The following SIK3 variants were observed in gnomAD, a reference collection of about 807,000 sequenced individuals.
The protein encoded by SIK3 is serine/threonine-protein kinase SIK3.
A neutral mutation model predicts 144.2 loss-of-function variants in SIK3; 28 were observed. The observed-to-expected ratio is 0.19, with a 90% CI of 0.14 to 0.27. The LOEUF (loss-of-function observed/expected upper bound fraction) is 0.27. SIK3 is among the 10% of genes least tolerant of loss of function. The pLI is 1.00. For missense variants in SIK3, 1,319 were observed against 1,776.0 expected (o/e 0.74, Z 4.62); for synonymous variants, 686 against 676.3 (o/e 1.01, Z -0.22).
chr11:117,065,246 T>C (rs1953959157), intron 1 of SIK3, among the ~76,000 whole-genome samples: 1 of 151,728 alleles, frequency 6.6e-6, no homozygotes, highest in Non-Finnish European at 1.5e-5. Context: ...CTTGGTTTCT[T>C]CCCTTGTTCT....
intron 8 of SIK3, 50 bp from the exon 9 acceptor site, chr11:116,876,059 T>C (rs1279401301): frequency 4.4e-6 from 7 of 1,607,438 alleles, no homozygotes; most frequent in African/African-American, 1.3e-5. Flanking sequence ...AAATGGCATG[T>C]TGATGACCAG....
At chr11:116,909,318 G>GAA (rs200905431) in intron 4 of SIK3, among the ~76,000 whole-genome samples, 4 of 135,776 alleles carry the variant, frequency 2.9e-5, no homozygotes, top group African/African-American at 8.0e-5. Flanking sequence ...ACTACTAAAA[G>GAA]AAAAAAAAAA....
intron 1 of SIK3, among the ~76,000 whole-genome samples, chr11:117,023,026 G>A (rs1951840613): frequency 1.3e-5 from 2 of 152,132 alleles, no homozygotes; most frequent in South Asian, 2.1e-4. Flanking sequence ...TGATAGAAAT[G>A]CCAGGTTTAA....
In SIK3 at chr11:117,027,955, G is replaced by A. The variant is rs1168431207; in HGVS notation, c.273+70188C>T. Among the ~76,000 whole-genome samples, 10 of 152,266 alleles carry A rather than the reference G, an allele frequency of 6.6e-5. No individual in the cohort carries two copies. In the East Asian group the frequency reaches 1.5e-3, roughly 23 times the overall value. ...TTTTAAGTAATTCTCCTCTCACTTC[G>A]TTCAAGACAATGCATTATGCATGTG... On this transcript the variant is annotated intron_variant, in intron 1 of 24. Coordinates refer to ENST00000445177, the MANE Select transcript of SIK3 (RefSeq NM_001366686.3).
chr11:117,028,306 T>A (rs1384388618), intron 1 of SIK3, among the ~76,000 whole-genome samples: 1 of 152,148 alleles, frequency 6.6e-6, no homozygotes, highest in Non-Finnish European at 1.5e-5. Context: ...CTTCATCTAC[T>A]CAAGAAATAT....
At chr11:116,912,065 A>G (rs1302689694) in intron 4 of SIK3, among the ~76,000 whole-genome samples, 1 of 152,310 alleles carries the variant, frequency 6.6e-6, no homozygotes, top group Middle Eastern at 3.4e-3. Context: ...GTGGCTCTCA[A>G]TATAATTTGT....
intron 4 of SIK3, among the ~76,000 whole-genome samples, chr11:116,924,002 C>T (rs1947140888): frequency 6.6e-6 from 1 of 152,182 alleles, no homozygotes; most frequent in African/African-American, 2.4e-5. Flanking sequence ...TCCTTAACAG[C>T]CGGGCGTGGT....
In SIK3 at chr11:116,867,300, C is replaced by T. The variant is rs757996196; in HGVS notation, c.1952+646G>A. On this transcript the variant is annotated intron_variant, in intron 15 of 24. Transcript: ENST00000445177. The surrounding 1 kb of genome is among the most constrained non-coding windows in gnomAD (Gnocchi z 4.1). ...TTCTTCAACTAGCAAAGTGTCATTC[C>T]GCAGCTGCTTCCAGGCTTACTTGGA... Among the ~76,000 whole-genome samples, 6 of 152,162 alleles carry T rather than the reference C, an allele frequency of 3.9e-5. No individual in the cohort carries two copies. The South Asian group carries it at 6.2e-4, about 16-fold the overall frequency.
At chr11:116,981,078 T>C (rs1308646317) in intron 1 of SIK3, among the ~76,000 whole-genome samples, 2 of 152,226 alleles carry the variant, frequency 1.3e-5, no homozygotes, top group Non-Finnish European at 2.9e-5. Context: ...GATGTTTAGT[T>C]ACCTGTCAAT....
intron 1 of SIK3, among the ~76,000 whole-genome samples, chr11:117,013,404 G>C (rs1252648520): frequency 2.0e-5 from 3 of 152,150 alleles, no homozygotes; most frequent in Admixed American, 2.0e-4. Flanking sequence ...CTTGAACCCA[G>C]GAGGCAGGGG....
At chr11:116,881,040 C>T (rs768675825) in intron 6 of SIK3, among the ~76,000 whole-genome samples, 2 of 152,074 alleles carry the variant, frequency 1.3e-5, no homozygotes, top group Admixed American at 6.5e-5. Context: ...AGGAGAATGG[C>T]GTGAACCTGG....
intron 1 of SIK3, among the ~76,000 whole-genome samples, chr11:116,993,415 A>T (rs1398926268): frequency 2.6e-5 from 2 of 77,784 alleles, no homozygotes. Context: ...ATTATTGTTT[A>T]ACTTTAAAAA....
At chr11:116,972,817 C>T (rs1418918017) in intron 1 of SIK3, among the ~76,000 whole-genome samples, 2 of 152,126 alleles carry the variant, frequency 1.3e-5, no homozygotes, top group African/African-American at 4.8e-5. Flanking sequence ...CACACACACA[C>T]ACACATAATG....
chr11:116,920,273 C>T (rs1486353065), intron 4 of SIK3, among the ~76,000 whole-genome samples: 1 of 151,978 alleles, frequency 6.6e-6, no homozygotes, highest in Non-Finnish European at 1.5e-5. Flanking sequence ...TGCAACTGGC[C>T]TTTGCCATCT....
At chr11:117,062,357 C>A (rs369323654) in intron 1 of SIK3, among the ~76,000 whole-genome samples, 23 of 152,236 alleles carry the variant, frequency 1.5e-4, no homozygotes, top group African/African-American at 4.3e-4. Context: ...CCTAAGAATT[C>A]TTAAAGTAAA....
chr11:117,009,396 CTT>C (rs1223928702), intron 1 of SIK3, among the ~76,000 whole-genome samples: 1 of 151,670 alleles, frequency 6.6e-6, no homozygotes, highest in Non-Finnish European at 1.5e-5. Flanking sequence ...AAATGAAAAA[CTT>C]AGCCTAAAGT....
At chr11:116,952,168 C>A (rs1210585510) in intron 3 of SIK3, among the ~76,000 whole-genome samples, 1 of 152,034 alleles carries the variant, frequency 6.6e-6, no homozygotes, top group African/African-American at 2.4e-5. Context: ...AGATGTTTGA[C>A]TTTTTATAGA....
chr11:116,965,780 T>TATATATATATAA (rs1949520042), intron 1 of SIK3, among the ~76,000 whole-genome samples: 1 of 73,830 alleles, frequency 1.4e-5, no homozygotes, highest in African/African-American at 6.0e-5. Flanking sequence ...TATATATATA[T>TATATATATATAA]ATAAATTAGC....
chr11:116,990,338 A>C (rs779500071), intron 1 of SIK3, among the ~76,000 whole-genome samples: 10 of 152,040 alleles, frequency 6.6e-5, no homozygotes, highest in Non-Finnish European at 1.3e-4. Context: ...ACATCAGAGC[A>C]CTCCCCAGTT....
Sources: allele counts gnomAD v4.1 joint callset (sites outside exome capture counted in the v4.1 genomes callset), GRCh38; gene constraint gnomAD v4.1.1; non-coding constraint Gnocchi (gnomAD v3.1); transcripts MANE v1.5; gene names NCBI Gene and HGNC (gene_info 2026-07-23, HGNC 2026-07-21).